The following SLC8A1 variants were observed in gnomAD, a reference collection of about 807,000 sequenced individuals.
SLC8A1 encodes the protein sodium/calcium exchanger 1.
In SLC8A1, 18 loss-of-function variants were observed where a neutral mutation model predicts 68.3. That is an observed-to-expected ratio of 0.26 (90% CI 0.18 to 0.39). SLC8A1 has a LOEUF of 0.39. Ranked by LOEUF, SLC8A1 falls within the 10% of genes least tolerant of loss-of-function variation. The pLI is 1.00. For missense variants in SLC8A1, 985 were observed against 1,156.7 expected (o/e 0.85, Z 2.15); for synonymous variants, 475 against 415.5 (o/e 1.14, Z -1.74).
At chr2:40,139,445 G>C in exon 7 of SLC8A1, 1 of 1,614,152 alleles carries the variant, frequency 6.2e-7, no homozygotes, top group Non-Finnish European at 8.5e-7. Context: ...TGCAGTCACA[G>C]AATCTTTCAG....
At chr2:40,160,111 C>G (rs901433408) in intron 6 of SLC8A1, among the ~76,000 whole-genome samples, 4 of 152,168 alleles carry the variant, frequency 2.6e-5, no homozygotes, top group African/African-American at 9.6e-5. Flanking sequence ...TATCGTTATA[C>G]AATCACACAA....
chr2:40,426,961 T>C (rs777833493), intron 2 of SLC8A1, among the ~76,000 whole-genome samples: 8 of 152,068 alleles, frequency 5.3e-5, no homozygotes, highest in African/African-American at 1.7e-4. Context: ...AAAAAATTCT[T>C]TCTTGGATAT....
At chr2:40,198,963 G>T (rs1159896159) in intron 2 of SLC8A1, among the ~76,000 whole-genome samples, 2 of 150,374 alleles carry the variant, frequency 1.3e-5, no homozygotes, top group Admixed American at 1.3e-4. Flanking sequence ...AGTTGAACTA[G>T]GATTTGCTCT....
chr2:40,400,101 C>T (rs1282129156), intron 2 of SLC8A1, among the ~76,000 whole-genome samples: 3 of 152,190 alleles, frequency 2.0e-5, no homozygotes, highest in Non-Finnish European at 2.9e-5. Flanking sequence ...GACCCTCTCG[C>T]GTGCACCCCC....
At chr2:40,115,544 A>T in exon 8 of SLC8A1, 1 of 1,614,142 alleles carries the variant, frequency 6.2e-7, no homozygotes, top group Non-Finnish European at 8.5e-7. Flanking sequence ...CCAGGAAGAC[A>T]TTCACCGCGT....
chr2:40,150,366 G>T (rs545473373), intron 6 of SLC8A1, among the ~76,000 whole-genome samples: 1 of 152,308 alleles, frequency 6.6e-6, no homozygotes, highest in East Asian at 1.9e-4. Context: ...GTGTTTGTGT[G>T]TGGTGGAGGG....
intron 2 of SLC8A1, among the ~76,000 whole-genome samples, chr2:40,277,348 T>C (rs1275551492): frequency 6.6e-6 from 1 of 152,094 alleles, no homozygotes; most frequent in East Asian, 1.9e-4. Flanking sequence ...GAGACCAGCC[T>C]GGCCAACCTG....
At chr2:40,356,645 A>T (rs1157755680) in intron 2 of SLC8A1, among the ~76,000 whole-genome samples, 2 of 152,156 alleles carry the variant, frequency 1.3e-5, no homozygotes, top group African/African-American at 4.8e-5. Flanking sequence ...GATAATGTTA[A>T]GATGTTGGTT....
Position 40,184,689 on chromosome 2 carries a change from A to G in SLC8A1, c.1809-6834T>C, listed in dbSNP as rs148827174. The stretch of plus-strand genomic sequence containing the variant: ...GCCACAGAGCCTCTGAGCCATGTCA[A>G]TGAAGGGCCATGTCGGGAACTGGAA... On this transcript the variant is annotated intron_variant, in intron 2 of 7. Transcript: ENST00000406785. Among the ~76,000 whole-genome samples, 82 of 152,234 alleles carry G rather than the reference A, an allele frequency of 5.4e-4. No homozygotes were observed. The East Asian group carries it at 0.013, about 24-fold the overall frequency.
chr2:40,287,396 T>A (rs1013803123), intron 2 of SLC8A1, among the ~76,000 whole-genome samples: 22 of 151,734 alleles, frequency 1.4e-4, no homozygotes, highest in Admixed American at 1.1e-3. Flanking sequence ...GTAATAGGAG[T>A]CAGGCACTCA....
At chr2:40,373,871 A>G (rs1266929183) in intron 2 of SLC8A1, among the ~76,000 whole-genome samples, 1 of 152,174 alleles carries the variant, frequency 6.6e-6, no homozygotes, top group African/African-American at 2.4e-5. Flanking sequence ...TGCACCAAAA[A>G]CAATAGGTTT....
chr2:40,378,399 G>C (rs62149369), intron 2 of SLC8A1, among the ~76,000 whole-genome samples: 5,309 of 152,180 alleles, frequency 0.035, 115 homozygotes, highest in South Asian at 0.07. Context: ...AGAAACCTTG[G>C]AGTACAAGAC....
chr2:40,461,737 CAGA>C (rs1319599804), intron 1 of SLC8A1, among the ~76,000 whole-genome samples: 1 of 151,988 alleles, frequency 6.6e-6, no homozygotes, highest in Non-Finnish European at 1.5e-5. Context: ...CATATATATT[CAGA>C]AGAACATTGT....
chr2:40,388,398 C>T (rs962336212), intron 2 of SLC8A1, among the ~76,000 whole-genome samples: 11 of 152,114 alleles, frequency 7.2e-5, no homozygotes, highest in Non-Finnish European at 1.2e-4. Context: ...TCTTACTTTT[C>T]ATTCTACAGC....
intron 2 of SLC8A1, among the ~76,000 whole-genome samples, chr2:40,358,967 G>A (rs941994234): frequency 6.6e-6 from 1 of 152,134 alleles, no homozygotes; most frequent in Non-Finnish European, 1.5e-5. Context: ...AGCTTACTGG[G>A]AGAAGGTGCG....
chr2:40,156,454 A>T (rs1273367094), intron 6 of SLC8A1, among the ~76,000 whole-genome samples: 1 of 150,696 alleles, frequency 6.6e-6, no homozygotes, highest in African/African-American at 2.4e-5. Context: ...GTCAAAAGTA[A>T]AACAATTTCA....
At chr2:40,248,207 T>G (rs769643757) in intron 2 of SLC8A1, among the ~76,000 whole-genome samples, 1 of 152,224 alleles carries the variant, frequency 6.6e-6, no homozygotes, top group Admixed American at 6.5e-5. Context: ...TACCAATTAG[T>G]TGGGTCAGTT....
At chr2:40,421,898 G>A (rs982328346) in intron 2 of SLC8A1, among the ~76,000 whole-genome samples, 7 of 152,144 alleles carry the variant, frequency 4.6e-5, no homozygotes, top group Non-Finnish European at 8.8e-5. Flanking sequence ...GCAGCATGTC[G>A]AGCCAGGAGA....
In SLC8A1 at chr2:40,416,075, AG is replaced by A; in HGVS notation, c.1808+12397del. On this transcript the variant is annotated intron_variant, in intron 2 of 7. Coordinates refer to ENST00000406785, the Ensembl canonical transcript of SLC8A1. ...GTTTTAAAAAAAAAAAAAAAAAAAAAGCAACCTCTCCACTTTTCTGAGACAG... is the reference window on the plus strand; with the variant it reads ...GTTTTAAAAAAAAAAAAAAAAAAAAACAACCTCTCCACTTTTCTGAGACAG... Among the ~76,000 whole-genome samples the A allele has an allele frequency of 1.3e-5, 2 of 150,048 alleles. 1 individual carries two copies. The highest frequency in any genetic ancestry group is 4.2e-4 in the South Asian group (2 of 4,720).
Sources: gnomAD v4.1 joint callset for allele counts (sites outside exome capture counted in the v4.1 genomes callset) on GRCh38, gnomAD v4.1.1 for gene constraint, MANE v1.5 for transcripts, NCBI Gene and HGNC (gene_info 2026-07-23, HGNC 2026-07-21) for gene names.